MAPK10: variants seen among roughly 807,000 people sequenced by gnomAD.
MAPK10 encodes the protein JNK3 alpha protein kinase.
In MAPK10, 25 loss-of-function variants were observed where a neutral mutation model predicts 59.3. That is an observed-to-expected ratio of 0.42 (90% CI 0.31 to 0.59). The LOEUF (loss-of-function observed/expected upper bound fraction) is 0.59. MAPK10 is among the 20% of genes least tolerant of loss of function. The pLI is 0.15. For missense variants in MAPK10, 351 were observed against 568.9 expected, an observed-to-expected ratio of 0.62 and a Z score of 3.90; for synonymous variants, 190 against 200.5, an observed-to-expected ratio of 0.95 and a Z score of 0.44.
At chr4:86,593,897 A>C (rs1763317763) in intron 1 of MAPK10, 1 of 152,236 alleles carries the variant, frequency 6.6e-6, no homozygotes, top group African/African-American at 2.4e-5. Context: ...GTAAGGGAGG[A>C]GCCAGCACTT....
At chr4:86,190,577 G>C (rs2079451973) in intron 3 of MAPK10, among the ~76,000 whole-genome samples, 1 of 152,096 alleles carries the variant, frequency 6.6e-6, no homozygotes, top group South Asian at 2.1e-4. Context: ...TATTTCTGTG[G>C]GATCAGTGGT....
chr4:86,495,792 A>G (rs544365874), intron 1 of MAPK10, among the ~76,000 whole-genome samples: 44 of 152,100 alleles, frequency 2.9e-4, no homozygotes, highest in Non-Finnish European at 5.4e-4. Context: ...AGTTTGACTG[A>G]CTGATTACAT....
chr4:86,557,426 G>A (rs1421283751), intron 1 of MAPK10, among the ~76,000 whole-genome samples: 1 of 151,956 alleles, frequency 6.6e-6, no homozygotes, highest in South Asian at 2.1e-4. Flanking sequence ...AAAAACTAGT[G>A]TATTTTTTTA....
chr4:86,105,374 G>A (rs1203763899), intron 5 of MAPK10, among the ~76,000 whole-genome samples: 1 of 152,102 alleles, frequency 6.6e-6, no homozygotes, highest in Admixed American at 6.6e-5. Context: ...GGTAGCAGGT[G>A]TGATGCTATT....
intron 13 of MAPK10, among the ~76,000 whole-genome samples, chr4:86,026,277 T>C (rs1405557352): frequency 1.3e-5 from 2 of 152,224 alleles, no homozygotes; most frequent in Non-Finnish European, 2.9e-5. Flanking sequence ...GTATTTTTTC[T>C]AGTTCTAACG....
At chr4:86,078,708 G>A (rs111514414) in intron 9 of MAPK10, among the ~76,000 whole-genome samples, 1 of 151,888 alleles carries the variant, frequency 6.6e-6, no homozygotes, top group African/African-American at 2.4e-5. Context: ...TGTTTTTAGG[G>A]GCCAGGGACA....
rs2589515 is a variant in MAPK10, at chr4:86,016,435, G to C, written c.*793C>G. The C allele has an allele frequency of 0.52, 78,658 of 152,346 alleles. 22,052 individuals are homozygous for C. The highest frequency in any genetic ancestry group is 0.74 in the African/African-American group (30,532 of 41,434). 9.4% of individuals were successfully genotyped at this position (152,346 alleles called of 1,614,324 possible). A position where few individuals can be genotyped will look rare whatever the true frequency, so the allele number is the denominator to read the frequency against. On this transcript the variant is annotated 3_prime_UTR_variant, in exon 14 of 14. Transcript: ENST00000641462. ...TGTGCCTGAAAACTGTTACCCACTC[G>C]CCCCACACTTTACATAAGTATCACA... is the stretch of plus-strand genomic sequence containing the variant.
At chr4:86,102,968 T>C in intron 6 of MAPK10, 1 of 380,010 alleles carries the variant, frequency 2.6e-6, no homozygotes. Flanking sequence ...GCAGAATGTC[T>C]TTCCAGGAAG....
intron 2 of MAPK10, among the ~76,000 whole-genome samples, chr4:86,226,319 A>T (rs534747033): frequency 1.3e-5 from 2 of 152,200 alleles, no homozygotes. Flanking sequence ...GCCAGACTTT[A>T]CCCGGTTTCA....
chr4:86,220,420 T>C (rs2089217146), intron 2 of MAPK10, among the ~76,000 whole-genome samples: 3 of 152,328 alleles, frequency 2.0e-5, no homozygotes, highest in Middle Eastern at 6.8e-3. Flanking sequence ...TCTGTAATGT[T>C]GGAAAACATA....
intron 1 of MAPK10, among the ~76,000 whole-genome samples, chr4:86,578,523 A>T (rs962260369): frequency 5.9e-5 from 9 of 152,226 alleles, no homozygotes; most frequent in Admixed American, 5.2e-4. Context: ...AATAAAGGCC[A>T]TAAACTATTA....
At chr4:86,292,036 C>T (rs1362485647) in intron 2 of MAPK10, among the ~76,000 whole-genome samples, 2 of 152,148 alleles carry the variant, frequency 1.3e-5, no homozygotes, top group Non-Finnish European at 2.9e-5. Context: ...CCCATGGAGA[C>T]AGAAACTTAC....
At chr4:86,553,531 C>T (rs1464846551) in intron 1 of MAPK10, among the ~76,000 whole-genome samples, 2 of 152,180 alleles carry the variant, frequency 1.3e-5, no homozygotes, top group East Asian at 3.9e-4. Flanking sequence ...CCCACCATTG[C>T]TTTTGCCCTT....
At chr4:86,393,532 T>G (rs1019347903) in intron 1 of MAPK10, among the ~76,000 whole-genome samples, 2 of 152,232 alleles carry the variant, frequency 1.3e-5, no homozygotes, top group Non-Finnish European at 2.9e-5. Flanking sequence ...AGGCAAGCAT[T>G]GACAAACTGA....
chr4:86,580,017 T>A (rs1762155999), intron 1 of MAPK10, among the ~76,000 whole-genome samples: 1 of 151,986 alleles, frequency 6.6e-6, no homozygotes, highest in African/African-American at 2.4e-5. Flanking sequence ...CTTGCTGTGT[T>A]GCCCAGGTTG....
chr4:86,582,604 T>C (rs1423163900), intron 1 of MAPK10, among the ~76,000 whole-genome samples: 1 of 152,142 alleles, frequency 6.6e-6, no homozygotes, highest in East Asian at 1.9e-4. Flanking sequence ...AAGACTGAAA[T>C]AATCATCTAT....
At chr4:86,046,191 A>C (rs2042462983) in intron 11 of MAPK10, among the ~76,000 whole-genome samples, 1 of 151,744 alleles carries the variant, frequency 6.6e-6, no homozygotes, top group South Asian at 2.1e-4. Context: ...TTATCAGCTT[A>C]AGGAGATTTT....
intron 2 of MAPK10, among the ~76,000 whole-genome samples, chr4:86,228,158 A>ATACC (rs1451034737): frequency 1.3e-5 from 2 of 152,214 alleles, no homozygotes; most frequent in Non-Finnish European, 2.9e-5. Context: ...TAGTTGTCTG[A>ATACC]TACCTGGTCC....
chr4:86,373,467 C>A (rs994929244), intron 1 of MAPK10, among the ~76,000 whole-genome samples: 11 of 152,168 alleles, frequency 7.2e-5, no homozygotes, highest in African/African-American at 2.7e-4. Flanking sequence ...TCAGAGTGAA[C>A]AGGCAACCTA....
Sources: gnomAD v4.1 joint callset for allele counts (sites outside exome capture counted in the v4.1 genomes callset) on GRCh38, gnomAD v4.1.1 for gene constraint, MANE v1.5 for transcripts, NCBI Gene and HGNC (gene_info 2026-07-23, HGNC 2026-07-21) for gene names.